The following SH3PXD2A variants were observed in gnomAD, a reference collection of about 807,000 sequenced individuals.
SH3PXD2A encodes the protein SH3 and PX domains 2A, also known as SH3 and PX domain-containing protein 2A.
Under a neutral mutation model 115.2 loss-of-function variants are expected in SH3PXD2A, and 32 were observed. That is an observed-to-expected ratio of 0.28 (90% CI 0.21 to 0.37). The LOEUF (loss-of-function observed/expected upper bound fraction) is 0.37, where lower values mean the gene tolerates loss of function less well. Ranked by LOEUF, SH3PXD2A falls within the 10% of genes least tolerant of loss-of-function variation. SH3PXD2A has a pLI of 1.00. For synonymous variants in SH3PXD2A, 610 were observed against 629.1 expected (o/e 0.97, Z 0.45); for missense variants, 1,328 against 1,498.7 (o/e 0.89, Z 1.88).
At chr10:103,690,534 G>GGT (rs1173036787) in intron 6 of SH3PXD2A, among the ~76,000 whole-genome samples, 1 of 152,062 alleles carries the variant, frequency 6.6e-6, no homozygotes, top group South Asian at 2.1e-4. Context: ...GCTGAGGGAG[G>GGT]GTGTGTGTGT....
intron 13 of SH3PXD2A, chr10:103,609,332 C>T (rs1425095252): frequency 6.6e-6 from 1 of 152,248 alleles, no homozygotes; most frequent in Non-Finnish European, 1.5e-5. Flanking sequence ...GGTCTCTAGT[C>T]TGGGGTGTGT....
chr10:103,801,435 G>A (rs1416300070), intron 1 of SH3PXD2A, 73 bp from the exon 2 acceptor site: 1 of 891,454 alleles, frequency 1.1e-6, no homozygotes, highest in South Asian at 1.4e-5. Flanking sequence ...CATGTAACAT[G>A]ACTGCAGGTG....
intron 3 of SH3PXD2A, among the ~76,000 whole-genome samples, chr10:103,759,347 G>A (rs2134215459): frequency 6.6e-6 from 1 of 152,272 alleles, no homozygotes; most frequent in East Asian, 1.9e-4. Flanking sequence ...GGCTGGCAAC[G>A]CCTACCTTGA....
chr10:103,673,784 A>G (rs1458876427), intron 6 of SH3PXD2A, among the ~76,000 whole-genome samples: 1 of 152,354 alleles, frequency 6.6e-6, no homozygotes, highest in East Asian at 1.9e-4. Flanking sequence ...GGGAGAGACC[A>G]GAATGAGTAC....
chr10:103,606,431 C>CT (rs201393689), intron 13 of SH3PXD2A, among the ~76,000 whole-genome samples: 2 of 21,470 alleles, frequency 9.3e-5, no homozygotes, highest in African/African-American at 4.4e-4. Flanking sequence ...GAAGAATTTG[C>CT]TAAAAAAAAA....
At chr10:103,787,576 C>T (rs1431747296) in intron 2 of SH3PXD2A, among the ~76,000 whole-genome samples, 2 of 152,150 alleles carry the variant, frequency 1.3e-5, no homozygotes, top group Non-Finnish European at 2.9e-5. Context: ...AGCAGTGAAG[C>T]CCTGGGAAAC....
At chr10:103,678,551 G>T (rs2037570296) in intron 6 of SH3PXD2A, among the ~76,000 whole-genome samples, 1 of 152,220 alleles carries the variant, frequency 6.6e-6, no homozygotes, top group African/African-American at 2.4e-5. Context: ...GCTCAGCCCT[G>T]GCCCTGGTTG....
At chr10:103,671,414 T>TA (rs2037457263) in intron 6 of SH3PXD2A, among the ~76,000 whole-genome samples, 1 of 152,182 alleles carries the variant, frequency 6.6e-6, no homozygotes, top group African/African-American at 2.4e-5. Flanking sequence ...TCAGTCCCCA[T>TA]AAGCAGGCCT....
At chr10:103,618,630 G>A (rs990890230) in intron 10 of SH3PXD2A, among the ~76,000 whole-genome samples, 8 of 152,220 alleles carry the variant, frequency 5.3e-5, no homozygotes, top group African/African-American at 1.7e-4. Context: ...GGCAGACAGC[G>A]AGACACTGTT....
chr10:103,816,273 T>C (rs1468591409), intron 1 of SH3PXD2A, among the ~76,000 whole-genome samples: 1 of 152,218 alleles, frequency 6.6e-6, no homozygotes, highest in African/African-American at 2.4e-5. Flanking sequence ...TTGAAATACA[T>C]GCAACTTTTA....
chr10:103,674,649 G>A (rs748101764), intron 6 of SH3PXD2A, among the ~76,000 whole-genome samples: 3 of 151,996 alleles, frequency 2.0e-5, no homozygotes, highest in Non-Finnish European at 4.4e-5. Context: ...GTGAAACCCC[G>A]TCTCTACTAA....
chr10:103,621,174 G>A (rs570485964), intron 10 of SH3PXD2A, among the ~76,000 whole-genome samples: 17 of 152,300 alleles, frequency 1.1e-4, no homozygotes, highest in African/African-American at 4.1e-4. Context: ...GGAGATGGTC[G>A]TGTTTGGGGC....
chr10:103,658,446 T>C (rs2037242831), intron 8 of SH3PXD2A, among the ~76,000 whole-genome samples: 1 of 152,156 alleles, frequency 6.6e-6, no homozygotes, highest in Admixed American at 6.5e-5. Context: ...CACTCACCAC[T>C]CCTTCAGGTT....
intron 6 of SH3PXD2A, among the ~76,000 whole-genome samples, chr10:103,682,357 T>C (rs1021771582): frequency 6.6e-6 from 1 of 152,120 alleles, no homozygotes; most frequent in Non-Finnish European, 1.5e-5. Context: ...GGCCGCAGAG[T>C]TGCCAAATCA....
chr10:103,646,380 C>T (rs1042682224), intron 8 of SH3PXD2A, among the ~76,000 whole-genome samples: 1 of 152,152 alleles, frequency 6.6e-6, no homozygotes, highest in Non-Finnish European at 1.5e-5. Flanking sequence ...ACCAGATACT[C>T]CCCTAGTCCA....
intron 8 of SH3PXD2A, among the ~76,000 whole-genome samples, chr10:103,658,986 G>A (rs1457289812): frequency 2.0e-5 from 3 of 152,250 alleles, no homozygotes; most frequent in Admixed American, 6.5e-5. Context: ...CACAGTCTGC[G>A]TGCCAGACTG....
At chr10:103,608,150 TAA>T (rs1554903074) in intron 13 of SH3PXD2A, among the ~76,000 whole-genome samples, 2 of 32,670 alleles carry the variant, frequency 6.1e-5, no homozygotes, top group East Asian at 3.0e-3. Context: ...ATGATCAATT[TAA>T]AAAAAAAAAA....
At position 103,597,554 on chromosome 10, in the gene SH3PXD2A, T is replaced by C. The variant is rs1437944952; in HGVS notation, c.*4262A>G. 6.6e-6 allele frequency: 1 copy of C among 152,320 alleles called. No individual in the cohort carries two copies. Among genetic ancestry groups the C allele is most frequent in the Non-Finnish European group, 1.5e-5 (1 of 68,036 alleles). 9.4% of individuals were successfully genotyped at this position (152,320 alleles called of 1,614,324 possible). A position where few individuals can be genotyped will look rare whatever the true frequency, so the allele number is the denominator to read the frequency against. ...CATGCCTGAATCCCTTTCTTCTGGG[T>C]GGATCTGGCAGGGACCCCTATCATC... On this transcript the variant is annotated 3_prime_UTR_variant, in exon 15 of 15. Transcript: ENST00000369774.
chr10:103,702,255 G>A (rs2134145589), intron 5 of SH3PXD2A, among the ~76,000 whole-genome samples: 1 of 152,354 alleles, frequency 6.6e-6, no homozygotes, highest in South Asian at 2.1e-4. Flanking sequence ...TGAAGTAAGA[G>A]AGTGGCAGAA....
Sources: gnomAD v4.1 joint callset for allele counts (sites outside exome capture counted in the v4.1 genomes callset) on GRCh38, gnomAD v4.1.1 for gene constraint, MANE v1.5 for transcripts, NCBI Gene and HGNC (gene_info 2026-07-23, HGNC 2026-07-21) for gene names.